SGMS1: variants seen among roughly 807,000 people sequenced by gnomAD.
SGMS1 encodes phosphatidylcholine:ceramide cholinephosphotransferase 1.
Under a neutral mutation model 46.2 loss-of-function variants are expected in SGMS1, and 13 were observed. That is an observed-to-expected ratio of 0.28 (90% CI 0.18 to 0.45). The LOEUF (loss-of-function observed/expected upper bound fraction) is 0.45. Among genes scored for constraint, SGMS1 ranks in the 20% least tolerant of loss-of-function variants. The pLI, the probability that SGMS1 is intolerant of heterozygous loss-of-function variation, is 1.00. For missense variants in SGMS1, 324 were observed against 519.9 expected (o/e 0.62, Z 3.66); for synonymous variants, 203 against 187.8 (o/e 1.08, Z -0.66).
At chr10:50,506,619 A>C (rs1234462273) in intron 3 of SGMS1, among the ~76,000 whole-genome samples, 1 of 152,172 alleles carries the variant, frequency 6.6e-6, no homozygotes, top group Non-Finnish European at 1.5e-5. Flanking sequence ...CTGCCCACTC[A>C]CTCCTAAGAT....
intron 3 of SGMS1, among the ~76,000 whole-genome samples, chr10:50,468,499 A>G (rs1404932128): frequency 6.6e-6 from 1 of 152,248 alleles, no homozygotes; most frequent in East Asian, 1.9e-4. Flanking sequence ...AAGTTTCAAA[A>G]GAAACTAAAT....
At chr10:50,616,426 A>T (rs1468140696) in intron 1 of SGMS1, among the ~76,000 whole-genome samples, 1 of 152,208 alleles carries the variant, frequency 6.6e-6, no homozygotes, top group Non-Finnish European at 1.5e-5. Flanking sequence ...GTGAACTACC[A>T]TACCCAGACA....
intron 6 of SGMS1, among the ~76,000 whole-genome samples, chr10:50,400,238 G>C (rs1438264053): frequency 1.3e-5 from 2 of 151,458 alleles, no homozygotes; most frequent in African/African-American, 4.9e-5. Flanking sequence ...TTAAAACCTA[G>C]CTCTTCTGTT....
chr10:50,306,452 TTC>T lies in SGMS1; in HGVS notation c.*688_*689del, dbSNP rs1319118863. 17 of 152,842 alleles carry T rather than the reference TTC, an allele frequency of 1.1e-4. No individual in the cohort carries two copies. Among genetic ancestry groups the T allele is most frequent in the African/African-American group, 4.1e-4 (17 of 41,586 alleles). 9.5% of individuals were successfully genotyped at this position (152,842 alleles called of 1,614,324 possible). ...GATGCATTTTTAAATTTTAACTCTC[TTC>T]TCTCTGACATGTTAAAAATCTTTAA... On this transcript the variant is annotated 3_prime_UTR_variant, in exon 11 of 11. Transcript: ENST00000361781.
chr10:50,370,194 A>C (rs751037415), intron 6 of SGMS1, among the ~76,000 whole-genome samples: 17 of 152,134 alleles, frequency 1.1e-4, no homozygotes, highest in Non-Finnish European at 2.4e-4. Flanking sequence ...AACACTGCAC[A>C]CTTAGGGTAC....
chr10:50,346,346 C>T (rs921490485), intron 6 of SGMS1, among the ~76,000 whole-genome samples: 2 of 152,146 alleles, frequency 1.3e-5, no homozygotes, highest in African/African-American at 4.8e-5. Flanking sequence ...CTGTCCACTA[C>T]ATCTCACTAT....
At chr10:50,545,799 G>A (rs141738235) in intron 2 of SGMS1, among the ~76,000 whole-genome samples, 1,691 of 152,210 alleles carry the variant, frequency 0.011, 75 homozygotes, top group Admixed American at 0.086. Context: ...CTCGGCAAGA[G>A]AGGACTGTTC....
At chr10:50,375,074 A>C (rs1356688722) in intron 6 of SGMS1, among the ~76,000 whole-genome samples, 1 of 152,112 alleles carries the variant, frequency 6.6e-6, no homozygotes, top group African/African-American at 2.4e-5. Context: ...GACTATTAAA[A>C]AAACTGTGAC....
At chr10:50,337,007 A>C (rs1271811040) in intron 7 of SGMS1, among the ~76,000 whole-genome samples, 1 of 152,204 alleles carries the variant, frequency 6.6e-6, no homozygotes, top group Non-Finnish European at 1.5e-5. Context: ...TGTGGAGGGA[A>C]TAGAAAGGAG....
At chr10:50,435,236 A>T (rs1343103746) in intron 5 of SGMS1, among the ~76,000 whole-genome samples, 1 of 152,226 alleles carries the variant, frequency 6.6e-6, no homozygotes, top group Non-Finnish European at 1.5e-5. Flanking sequence ...CCAAGTCTGT[A>T]AAATACATAC....
intron 6 of SGMS1, among the ~76,000 whole-genome samples, chr10:50,366,189 G>T (rs997170053): frequency 6.6e-6 from 1 of 151,974 alleles, no homozygotes; most frequent in Non-Finnish European, 1.5e-5. Flanking sequence ...ATCTGACAAA[G>T]GTCTAATATC....
chr10:50,401,392 C>T (rs1307731129), intron 6 of SGMS1, among the ~76,000 whole-genome samples: 1 of 152,146 alleles, frequency 6.6e-6, no homozygotes, highest in Non-Finnish European at 1.5e-5. Flanking sequence ...TTTTAATCTC[C>T]ACTTGTGCAA....
chr10:50,491,969 A>G (rs539043791), intron 3 of SGMS1, among the ~76,000 whole-genome samples: 8 of 152,350 alleles, frequency 5.3e-5, no homozygotes, highest in Admixed American at 2.0e-4. Context: ...CTTATCCATC[A>G]CGGTCAAGTA....
At chr10:50,599,505 A>G (rs57777791) in intron 1 of SGMS1, among the ~76,000 whole-genome samples, 1 of 152,158 alleles carries the variant, frequency 6.6e-6, no homozygotes, top group African/African-American at 2.4e-5. Flanking sequence ...AGTTTATTCA[A>G]AGACTCCAGA....
rs1372276708 is a variant in SGMS1 at position 50,341,360 on chromosome 10, A to G, written c.623+2132T>C. ...CAGGGAGAGAGACAGGAAACCAGCG[A>G]TGGACCCCAGTAGAAGGACAGGGTG... On this transcript the variant is annotated intron_variant, in intron 7 of 10. Coordinates refer to ENST00000361781, the MANE Select transcript of SGMS1 (RefSeq NM_147156.4). 4 of 455,874 alleles carry G rather than the reference A, an allele frequency of 8.8e-6. No individual in the cohort carries two copies. The East Asian group carries it at 2.8e-4, about 32-fold the overall frequency. 28.2% of individuals were successfully genotyped at this position (455,874 alleles called of 1,614,324 possible). A position where few individuals can be genotyped will look rare whatever the true frequency, so the allele number is the denominator to read the frequency against.
chr10:50,480,696 C>T (rs1837468652), intron 3 of SGMS1, among the ~76,000 whole-genome samples: 1 of 152,174 alleles, frequency 6.6e-6, no homozygotes, highest in African/African-American at 2.4e-5. Context: ...CAGAGCTGTG[C>T]AGACTTTCAG....
chr10:50,535,059 C>T (rs1837987858), intron 2 of SGMS1, among the ~76,000 whole-genome samples: 1 of 152,054 alleles, frequency 6.6e-6, no homozygotes, highest in Admixed American at 6.5e-5. Flanking sequence ...CATGGTGAAA[C>T]CGTCTCTACT....
rs192316590 is a variant in SGMS1 at position 50,377,396 on chromosome 10, T to A, written c.-231-33051A>T. ...GCAGAGTCCTCATAACTCAATCACT[T>A]CTTAGAGGGCCCATCTCTCAATACT... On this transcript the variant is annotated intron_variant, in intron 6 of 10. Coordinates refer to ENST00000361781, the MANE Select transcript of SGMS1 (RefSeq NM_147156.4). 2.6e-5 allele frequency among the ~76,000 whole-genome samples: 4 copies of A among 152,306 alleles called. No homozygotes were observed. The East Asian group carries it at 7.7e-4, about 29-fold the overall frequency.
intron 3 of SGMS1, among the ~76,000 whole-genome samples, chr10:50,483,381 G>C (rs1837493727): frequency 6.6e-6 from 1 of 152,128 alleles, no homozygotes; most frequent in Non-Finnish European, 1.5e-5. Context: ...TGCCTGGCCA[G>C]ATTCATAAAA....
Sources: gnomAD v4.1 joint callset for allele counts (sites outside exome capture counted in the v4.1 genomes callset) on GRCh38, gnomAD v4.1.1 for gene constraint, MANE v1.5 for transcripts, NCBI Gene and HGNC (gene_info 2026-07-23, HGNC 2026-07-21) for gene names.